OSBPL10: variants seen among roughly 807,000 people sequenced by gnomAD.
OSBPL10 encodes oxysterol binding protein like 10, also known as oxysterol-binding protein-related protein 10.
OSBPL10 carries 49 observed loss-of-function variants against 81.7 expected under a neutral mutation model. That is an observed-to-expected ratio of 0.60 (90% CI 0.48 to 0.76). The LOEUF is 0.76. Among genes scored for constraint, OSBPL10 ranks in the 30% least tolerant of loss-of-function variants. The pLI, the probability that OSBPL10 is intolerant of heterozygous loss-of-function variation, is 0.00. For missense variants in OSBPL10, 923 were observed against 987.8 expected (o/e 0.93, Z 0.88); for synonymous variants, 419 against 383.6 (o/e 1.09, Z -1.08).
intron 2 of OSBPL10, among the ~76,000 whole-genome samples, chr3:32,019,927 C>CT (rs751110155): frequency 5.9e-5 from 9 of 152,144 alleles, no homozygotes; most frequent in African/African-American, 1.2e-4. Context: ...GGGTGCTGCT[C>CT]TGATGGGTGG....
At chr3:32,058,570 G>T (rs546340161) in intron 1 of OSBPL10, among the ~76,000 whole-genome samples, 1 of 152,074 alleles carries the variant, frequency 6.6e-6, no homozygotes, top group South Asian at 2.1e-4. Flanking sequence ...CAAGTGATCC[G>T]CCCACCTCGG....
Position 31,677,777 on chromosome 3 carries a change from C to T in OSBPL10, c.1726+5857G>A, listed in dbSNP as rs150938082. ...CTGTGGAGACACGGACACTCAACAACGGCCAACATAAGACAGAGCAAAGGC... is the reference window on the plus strand; with the variant it reads ...CTGTGGAGACACGGACACTCAACAATGGCCAACATAAGACAGAGCAAAGGC... On this transcript the variant is annotated intron_variant, in intron 8 of 11. Coordinates refer to ENST00000396556, the MANE Select transcript of OSBPL10 (RefSeq NM_017784.5). Among the ~76,000 whole-genome samples the T allele has an allele frequency of 1.1e-4, 17 of 152,276 alleles. No individual in the cohort carries two copies. In the East Asian group the frequency reaches 1.7e-3, roughly 16 times the overall value.
intron 4 of OSBPL10, among the ~76,000 whole-genome samples, chr3:31,757,918 C>A (rs551408377): frequency 1.3e-5 from 2 of 152,226 alleles, no homozygotes; most frequent in East Asian, 3.9e-4. Flanking sequence ...ACTACAGACA[C>A]CAGAACAGCT....
At chr3:31,895,369 C>T (rs1696024962) in intron 1 of OSBPL10, among the ~76,000 whole-genome samples, 1 of 151,696 alleles carries the variant, frequency 6.6e-6, no homozygotes, top group African/African-American at 2.4e-5. Flanking sequence ...GATCTCCTGA[C>T]CTCATGATCT....
At chr3:31,794,973 G>GCCATTTAT (rs1699149341) in intron 4 of OSBPL10, 1 of 311,222 alleles carries the variant, frequency 3.2e-6, no homozygotes, top group South Asian at 3.8e-5. Context: ...TGTCACAGGA[G>GCCATTTAT]CCATTTATCT....
At chr3:31,662,827 A>G in intron 11 of OSBPL10, 5 of 985,432 alleles carry the variant, frequency 5.1e-6, no homozygotes, top group Non-Finnish European at 6.0e-6. Flanking sequence ...TAGCTCTCTC[A>G]AGCTACTAGC....
At chr3:31,963,592 C>T (rs536687041) in intron 1 of OSBPL10, among the ~76,000 whole-genome samples, 1 of 152,282 alleles carries the variant, frequency 6.6e-6, no homozygotes, top group Admixed American at 6.5e-5. Flanking sequence ...AAAGAGGCGC[C>T]TGGCTTGCTC....
intron 3 of OSBPL10, among the ~76,000 whole-genome samples, chr3:31,848,103 A>C (rs1300174675): frequency 6.6e-6 from 1 of 152,092 alleles, no homozygotes; most frequent in Non-Finnish European, 1.5e-5. Flanking sequence ...TGTGCTATAC[A>C]AGATGATGCA....
At chr3:31,722,928 A>G (rs1295303445) in intron 6 of OSBPL10, among the ~76,000 whole-genome samples, 2 of 152,218 alleles carry the variant, frequency 1.3e-5, no homozygotes, top group Admixed American at 1.3e-4. Context: ...AAAGAAAAGC[A>G]GTTCTGATGA....
intron 6 of OSBPL10, chr3:31,704,324 C>G (rs573051377): frequency 6.6e-6 from 1 of 152,502 alleles, no homozygotes; most frequent in East Asian, 1.9e-4. Context: ...AGCTCAGACA[C>G]AAATCCCTCC....
chr3:31,733,140 T>C, intron 6 of OSBPL10, 117 bp downstream of exon 6: 1 of 1,422,388 alleles, frequency 7.0e-7, no homozygotes, highest in Non-Finnish European at 9.6e-7. Flanking sequence ...AATTCTTCCA[T>C]TTTTTAATTT....
chr3:32,066,823 G>A lies in OSBPL10; in HGVS notation n.185+10573C>T, dbSNP rs148067796. Among the ~76,000 whole-genome samples the A allele has an allele frequency of 1.4e-3, 209 of 152,218 alleles. 1 individual carries two copies. The highest frequency in any genetic ancestry group is 4.9e-3 in the African/African-American group (205 of 41,516). Reference sequence around the variant, plus strand: ...TCCTGAAAAATGAAATTTATGGGAGGTCATTGATTTGGACTGAGCTCCTGT... The same window carrying A: ...TCCTGAAAAATGAAATTTATGGGAGATCATTGATTTGGACTGAGCTCCTGT... On this transcript the variant is annotated intron_variant and non_coding_transcript_variant, in intron 1 of 3. Coordinates refer to the OSBPL10 transcript ENST00000479173.
intron 4 of OSBPL10, among the ~76,000 whole-genome samples, chr3:31,756,368 CT>C (rs1262412341): frequency 2.1e-4 from 32 of 152,182 alleles, no homozygotes; most frequent in African/African-American, 7.2e-4. Flanking sequence ...TGGAAACCAG[CT>C]TTTTTGGTTT....
chr3:32,062,887 G>A lies in OSBPL10; in HGVS notation n.185+14509C>T, dbSNP rs111673969. ...ATTTTTAAAGCTGTTTCAGAGGTAC[G>A]CAAGATAATCAATCCTTTAAAATAG... On this transcript the variant is annotated intron_variant and non_coding_transcript_variant, in intron 1 of 3. Coordinates refer to the OSBPL10 transcript ENST00000479173. Among the ~76,000 whole-genome samples the A allele has an allele frequency of 5.0e-4, 47 of 94,692 alleles. 15 individuals are homozygous for A. Among genetic ancestry groups the A allele is most frequent in the Middle Eastern group, 5.4e-3 (1 of 186 alleles). 62.1% of individuals were successfully genotyped at this position (94,692 alleles called of 152,430 possible).
intron 4 of OSBPL10, among the ~76,000 whole-genome samples, chr3:31,818,956 C>T (rs2125501220): frequency 6.6e-6 from 1 of 152,360 alleles, no homozygotes; most frequent in East Asian, 1.9e-4. Flanking sequence ...ACTTCTGAGA[C>T]ACTGCCGTGT....
At chr3:31,685,970 T>C (rs1415430671) in intron 7 of OSBPL10, among the ~76,000 whole-genome samples, 1 of 152,176 alleles carries the variant, frequency 6.6e-6, no homozygotes, top group African/African-American at 2.4e-5. Context: ...AGATCCCTTA[T>C]GAAGAGATTA....
At chr3:31,862,342 A>C (rs1322206205) in intron 3 of OSBPL10, among the ~76,000 whole-genome samples, 2 of 152,198 alleles carry the variant, frequency 1.3e-5, no homozygotes, top group Non-Finnish European at 2.9e-5. Flanking sequence ...ACTTGGAAAG[A>C]CCGAAGCCTG....
At chr3:31,946,204 C>A (rs59352286) in intron 1 of OSBPL10, among the ~76,000 whole-genome samples, 1 of 151,594 alleles carries the variant, frequency 6.6e-6, no homozygotes, top group Non-Finnish European at 1.5e-5. Context: ...GGTCTCGAAC[C>A]CCTGATCTCA....
chr3:31,796,371 C>T (rs1699210533), intron 4 of OSBPL10, among the ~76,000 whole-genome samples: 4 of 151,634 alleles, frequency 2.6e-5, no homozygotes. Flanking sequence ...CCTTGCCCCG[C>T]CCCCCCAAAA....
Sources: gnomAD v4.1 joint callset for allele counts (sites outside exome capture counted in the v4.1 genomes callset) on GRCh38, gnomAD v4.1.1 for gene constraint, MANE v1.5 for transcripts, NCBI Gene and HGNC (gene_info 2026-07-23, HGNC 2026-07-21) for gene names.